Variants in WTAP observed in about 807,000 individuals in gnomAD.
WTAP encodes WT1 associated protein.
WTAP carries 8 observed loss-of-function variants against 50.0 expected under a neutral mutation model. That is an observed-to-expected ratio of 0.16 (90% CI 0.09 to 0.29). The LOEUF (loss-of-function observed/expected upper bound fraction) is 0.29, where lower values mean the gene tolerates loss of function less well. Among genes scored for constraint, WTAP ranks in the 10% least tolerant of loss-of-function variants. WTAP has a pLI of 1.00. For synonymous variants in WTAP, 194 were observed against 169.0 expected (o/e 1.15, Z -1.15); for missense variants, 295 against 470.7 (o/e 0.63, Z 3.45).
upstream of WTAP, chr6:159,727,451 C>T (rs1391125552): frequency 1.9e-6 from 2 of 1,042,824 alleles, no homozygotes; most frequent in African/African-American, 2.0e-5. Context: ...TGGGGCGGGG[C>T]AGGGCGGAGC....
At chr6:159,732,114 G>A (rs529472701) in intron 1 of WTAP, among the ~76,000 whole-genome samples, 1 of 152,164 alleles carries the variant, frequency 6.6e-6, no homozygotes, top group South Asian at 2.1e-4. Context: ...TTCGCATCCC[G>A]TGAATGCTGT....
chr6:159,744,524 G>GAT (rs1779453026), intron 5 of WTAP, among the ~76,000 whole-genome samples: 1 of 58,620 alleles, frequency 1.7e-5, no homozygotes, highest in Non-Finnish European at 3.9e-5. Flanking sequence ...TATGGGCACA[G>GAT]TCCTGTTCTG....
intron 7 of WTAP, among the ~76,000 whole-genome samples, chr6:159,754,051 T>G (rs771992056): frequency 1.3e-5 from 2 of 152,240 alleles, no homozygotes. Flanking sequence ...ATAAGAGATT[T>G]AATCTTTAAA....
intron 1 of WTAP, among the ~76,000 whole-genome samples, chr6:159,733,257 T>G (rs944842898): frequency 2.6e-5 from 4 of 152,360 alleles, no homozygotes; most frequent in African/African-American, 9.6e-5. Flanking sequence ...TGAAACAGAC[T>G]GTATACAATT....
rs1230224205 is a variant in WTAP at position 159,727,984 on chromosome 6, C to G, written c.-9+281C>G. Among the ~76,000 whole-genome samples, 4 of 152,372 alleles carry G rather than the reference C, an allele frequency of 2.6e-5. No homozygotes were observed. The East Asian group carries it at 7.7e-4, about 29-fold the overall frequency. On this transcript the variant is annotated intron_variant, in intron 1 of 7. Transcript: ENST00000621533. Reference sequence around the variant, plus strand: ...GGCCACTCACGGAGGCCGGAGGATGCCCTCCCCGGGCTGAGCGGCGGCGCT... The same window carrying G: ...GGCCACTCACGGAGGCCGGAGGATGGCCTCCCCGGGCTGAGCGGCGGCGCT...
chr6:159,748,945 C>T lies in WTAP; in HGVS notation c.452+576C>T. 2 of 1,110,890 alleles carry T rather than the reference C, an allele frequency of 1.8e-6. No homozygotes were observed. Among genetic ancestry groups the T allele is most frequent in the Non-Finnish European group, 2.2e-6 (2 of 911,542 alleles). 68.8% of individuals were successfully genotyped at this position (1,110,890 alleles called of 1,614,324 possible). Reference sequence around the variant, plus strand: ...CAAAACTCAAATGAGGTGAATTTTGCCTTTAAAGGGTTTATTTGCTGAGAA... The same window carrying T: ...CAAAACTCAAATGAGGTGAATTTTGTCTTTAAAGGGTTTATTTGCTGAGAA... On this transcript the variant is annotated intron_variant, in intron 6 of 7. Coordinates refer to ENST00000621533, the MANE Select transcript of WTAP (RefSeq NM_001270531.2). This position sits in a 1 kb window ranked among gnomAD's most constrained non-coding sequence, Gnocchi z 5.6.
intron 2 of WTAP, 130 bp from the exon 3 acceptor site, chr6:159,738,860 C>T: frequency 1.9e-6 from 1 of 524,506 alleles, no homozygotes; most frequent in East Asian, 3.7e-5. Context: ...TAATAAAATA[C>T]TTTTTCAAAA....
At chr6:159,746,636 A>G (rs1779593558) in intron 5 of WTAP, among the ~76,000 whole-genome samples, 1 of 152,180 alleles carries the variant, frequency 6.6e-6, no homozygotes. Flanking sequence ...CGTAGTTACT[A>G]TATTCTTAAC....
chr6:159,749,893 C>T (rs1178560388), intron 6 of WTAP, among the ~76,000 whole-genome samples: 3 of 152,140 alleles, frequency 2.0e-5, no homozygotes, highest in Non-Finnish European at 2.9e-5. Context: ...TTCAAATTTT[C>T]GCTTGGTGAT....
chr6:159,737,665 A>G (rs980328195), intron 2 of WTAP, among the ~76,000 whole-genome samples: 6 of 150,558 alleles, frequency 4.0e-5, no homozygotes, highest in Middle Eastern at 6.9e-3. Flanking sequence ...TAATTTTTGT[A>G]TTTTTTGGTA....
intron 7 of WTAP, 44 bp downstream of exon 7, chr6:159,753,658 T>C (rs1234087730): frequency 6.4e-7 from 1 of 1,563,448 alleles, no homozygotes; most frequent in East Asian, 2.2e-5. Flanking sequence ...CAACTTTGCA[T>C]TGGCTTTTTA....
intron 6 of WTAP, 122 bp from the exon 7 acceptor site, chr6:159,753,338 T>C (rs571849140): frequency 2.0e-5 from 27 of 1,338,200 alleles, no homozygotes; most frequent in Admixed American, 1.5e-4. Flanking sequence ...ATGGTAATTA[T>C]GGGGAAGCAT....
At chr6:159,728,662 A>G (rs1020562386) in intron 1 of WTAP, among the ~76,000 whole-genome samples, 5 of 152,254 alleles carry the variant, frequency 3.3e-5, no homozygotes. Flanking sequence ...ATTTAAAACT[A>G]TGAGCGAAAA....
At chr6:159,753,317 C>G (rs752084864) in intron 6 of WTAP, 143 bp from the exon 7 acceptor site, 379 of 1,203,198 alleles carry the variant, frequency 3.1e-4, no homozygotes, top group Non-Finnish European at 4.1e-4. Context: ...GGATGTGTCC[C>G]AGAAAAGAAG....
chr6:159,732,489 T>C (rs1441671985), intron 1 of WTAP, among the ~76,000 whole-genome samples: 1 of 152,148 alleles, frequency 6.6e-6, no homozygotes, highest in Non-Finnish European at 1.5e-5. Flanking sequence ...GATATACCGG[T>C]TAAATATGTA....
chr6:159,755,352 A>C lies in WTAP; in HGVS notation c.932A>C (p.Asn311Thr). 1 of 1,614,260 alleles carries C rather than the reference A, an allele frequency of 6.2e-7. No homozygotes were observed. Among genetic ancestry groups the C allele is most frequent in the Non-Finnish European group, 8.5e-7 (1 of 1,180,042 alleles). ...DDFPSSPGNG[N>T]KSSNSSEERT... ...TTTCCTTCTTCTCCAGGGAATGGTA[A>C]TAAGTCCTCCAACAGCTCAGAGGAG... The change falls in exon 8 of 8, where the codon AAT (asparagine) becomes ACT (threonine). Residue 311 changes from asparagine (N) to threonine (T), a missense_variant. Asn to Thr is a moderately conservative substitution (Grantham distance 65, BLOSUM62 0). Coordinates refer to ENST00000621533, the MANE Select transcript of WTAP (RefSeq NM_001270531.2).
chr6:159,739,007 A>T lies in WTAP; in HGVS notation c.48A>T (p.Thr16=), dbSNP rs1779085394. ...CTTTATAGGTTCGATTGAGTGAAAC[A>T]GACTTCAAAGTTATGGCAAGAGATG... The part of the protein sequence containing the change: ...PLPKKVRLSE[T]DFKVMARDEL... The change falls in exon 3 of 8, where the codon ACA becomes ACT. Residue 16 remains threonine, a synonymous_variant. Transcript: ENST00000621533. 6.2e-7 allele frequency: 1 copy of T among 1,612,440 alleles called. No homozygotes were observed. The highest frequency in any genetic ancestry group is 8.5e-7 in the Non-Finnish European group (1 of 1,179,096).
chr6:159,739,507 C>T lies in WTAP; in HGVS notation c.86+462C>T, dbSNP rs78312047. On this transcript the variant is annotated intron_variant, in intron 3 of 7. Transcript: ENST00000621533. ...GGTGACTTCCAGTTCTGAATTTCTG[C>T]GGTTATCTTGTAAATGTCTTACAAA... Among the ~76,000 whole-genome samples, 1,163 of 152,182 alleles carry T rather than the reference C, an allele frequency of 7.6e-3. 9 individuals are homozygous for T. The highest frequency in any genetic ancestry group is 0.025 in the East Asian group (129 of 5,186).
chr6:159,753,402 T>G (rs1359213831), intron 6 of WTAP, 58 bp from the exon 7 acceptor site: 1 of 1,610,704 alleles, frequency 6.2e-7, no homozygotes. Flanking sequence ...GTAATAATTG[T>G]AAGCAAAGAC....
Sources: allele counts gnomAD v4.1 joint callset (sites outside exome capture counted in the v4.1 genomes callset), GRCh38; gene constraint gnomAD v4.1.1; non-coding constraint Gnocchi (gnomAD v3.1); transcripts MANE v1.5; gene names NCBI Gene and HGNC (gene_info 2026-07-23, HGNC 2026-07-21).